The following PALM2AKAP2 variants were observed in gnomAD, a reference collection of about 807,000 sequenced individuals.
PALM2AKAP2 encodes the protein PALM2 and AKAP2 fusion.
PALM2AKAP2 carries 37 observed loss-of-function variants against 71.5 expected under a neutral mutation model. The ratio of observed to expected loss-of-function variants is 0.52; its 90% CI spans 0.40 to 0.68. The LOEUF (loss-of-function observed/expected upper bound fraction) is 0.68, where lower values mean the gene tolerates loss of function less well. Among genes scored for constraint, PALM2AKAP2 ranks in the 30% least tolerant of loss-of-function variants. The pLI is 0.00. For synonymous variants in PALM2AKAP2, 468 were observed against 478.8 expected, an observed-to-expected ratio of 0.98 and a Z score of 0.29; for missense variants, 1,224 against 1,191.8, an observed-to-expected ratio of 1.03 and a Z score of -0.40.
intron 1 of PALM2AKAP2, among the ~76,000 whole-genome samples, chr9:109,672,135 C>T (rs1419456112): frequency 2.0e-5 from 3 of 152,148 alleles, no homozygotes; most frequent in Non-Finnish European, 4.4e-5. Flanking sequence ...ACTTCCACTA[C>T]TACATTAAAC....
chr9:109,640,828 C>G (rs909664423), exon 1 of PALM2AKAP2: 9 of 1,515,126 alleles, frequency 5.9e-6, no homozygotes, highest in Non-Finnish European at 7.9e-6. Context: ...GCCGGTGAGC[C>G]CCGCAGCAGC....
rs897235928 is a variant in PALM2AKAP2, at chr9:109,996,127, C to A, written c.497-19827C>A. Among the ~76,000 whole-genome samples, 9 of 152,312 alleles carry A rather than the reference C, an allele frequency of 5.9e-5. No homozygotes were observed. The South Asian group carries it at 6.2e-4, about 11-fold the overall frequency. On this transcript the variant is annotated intron_variant, in intron 6 of 9. Transcript: ENST00000302798. ...TAACAACTAGTTGTTTAATACATCT[C>A]CTCTGGATGGAAACTAGATCCAAGA...
chr9:109,738,324 G>A (rs1564130249), intron 1 of PALM2AKAP2, among the ~76,000 whole-genome samples: 1 of 152,186 alleles, frequency 6.6e-6, no homozygotes, highest in Non-Finnish European at 1.5e-5. Flanking sequence ...GCCACCAGGG[G>A]CTTACTGATT....
chr9:109,722,434 T>C (rs1828419137), intron 1 of PALM2AKAP2, among the ~76,000 whole-genome samples: 1 of 152,188 alleles, frequency 6.6e-6, no homozygotes, highest in African/African-American at 2.4e-5. Context: ...TAATATGCTA[T>C]GGGGACTTTT....
chr9:109,683,486 A>G (rs1345163961), intron 1 of PALM2AKAP2, among the ~76,000 whole-genome samples: 1 of 152,214 alleles, frequency 6.6e-6, no homozygotes, highest in Non-Finnish European at 1.5e-5. Context: ...GAGAGAAGGC[A>G]GGAATAGATT....
chr9:109,783,046 G>A (rs949006158), intron 1 of PALM2AKAP2, among the ~76,000 whole-genome samples: 10 of 151,930 alleles, frequency 6.6e-5, no homozygotes, highest in African/African-American at 2.4e-4. Flanking sequence ...CACTTACTTG[G>A]GCTTCTCTCT....
intron 1 of PALM2AKAP2, chr9:109,771,896 T>A (rs1801241403): frequency 6.6e-6 from 1 of 152,132 alleles, no homozygotes; most frequent in African/African-American, 2.4e-5. Context: ...ACAACCTCCC[T>A]CTCCTCCCCT....
chr9:110,037,459 G>A (rs1332608564), intron 7 of PALM2AKAP2, among the ~76,000 whole-genome samples: 2 of 152,186 alleles, frequency 1.3e-5, no homozygotes, highest in African/African-American at 4.8e-5. Flanking sequence ...ACCCACCTTG[G>A]CCTACCAAAG....
chr9:109,642,648 C>T (rs992485963), intron 1 of PALM2AKAP2, among the ~76,000 whole-genome samples: 3 of 151,452 alleles, frequency 2.0e-5, no homozygotes, highest in African/African-American at 7.3e-5. Flanking sequence ...GTATTGACCT[C>T]CTGGGCTCAA....
At chr9:109,667,166 G>C (rs1827498344) in intron 1 of PALM2AKAP2, among the ~76,000 whole-genome samples, 1 of 152,182 alleles carries the variant, frequency 6.6e-6, no homozygotes. Flanking sequence ...TCTGGAATCA[G>C]AGGGAGAGTG....
intron 6 of PALM2AKAP2, among the ~76,000 whole-genome samples, chr9:109,979,281 T>C (rs964909963): frequency 6.6e-6 from 1 of 152,184 alleles, no homozygotes; most frequent in African/African-American, 2.4e-5. Flanking sequence ...GTGTTAGCCA[T>C]TGCGCCTGGT....
At chr9:109,780,182 C>T (rs568422311), upstream of PALM2AKAP2, 1 of 663,526 alleles carries the variant, frequency 1.5e-6, no homozygotes, top group Non-Finnish European at 1.9e-6. Flanking sequence ...AGCGCGCCCT[C>T]CCGGCGGCTG....
chr9:109,833,052 C>T (rs1014472035), intron 1 of PALM2AKAP2, among the ~76,000 whole-genome samples: 2 of 152,160 alleles, frequency 1.3e-5, no homozygotes, highest in African/African-American at 2.4e-5. Context: ...AACTCTGACT[C>T]ACCTTTTAAG....
intron 2 of PALM2AKAP2, among the ~76,000 whole-genome samples, chr9:109,870,697 C>T (rs2479314): frequency 0.89 from 135,720 of 152,226 alleles, 60,683 homozygotes; most frequent in African/African-American, 0.94. Flanking sequence ...TCCAGGCCAC[C>T]GTTCTCTTTG....
exon 4 of PALM2AKAP2, chr9:110,168,415 G>A (rs1836787408): frequency 2.5e-6 from 4 of 1,613,934 alleles, no homozygotes; most frequent in South Asian, 1.1e-5. Flanking sequence ...GAGGCCACAC[G>A]GGTTAATCGA....
chr9:109,702,356 T>C (rs1296990876), intron 1 of PALM2AKAP2, among the ~76,000 whole-genome samples: 2 of 152,096 alleles, frequency 1.3e-5, no homozygotes, highest in African/African-American at 2.4e-5. Context: ...TGTCCAACAA[T>C]GATATACTGG....
intron 6 of PALM2AKAP2, chr9:109,942,753 A>G (rs748120322): frequency 1.2e-6 from 2 of 1,613,784 alleles, no homozygotes; most frequent in Non-Finnish European, 1.7e-6. Context: ...TTCTCTCTAC[A>G]TCTACCATTG....
chr9:110,136,821 A>G, exon 2 of PALM2AKAP2: 1 of 1,614,212 alleles, frequency 6.2e-7, no homozygotes, highest in Non-Finnish European at 8.5e-7. Context: ...AAGCTCTTTG[A>G]GGATGACGAG....
intron 6 of PALM2AKAP2, among the ~76,000 whole-genome samples, chr9:109,997,707 C>T (rs1258945742): frequency 1.3e-5 from 2 of 152,156 alleles, no homozygotes; most frequent in African/African-American, 2.4e-5. Context: ...GGGAATTGCC[C>T]TCTATTTGGA....
Sources: allele counts gnomAD v4.1 joint callset (sites outside exome capture counted in the v4.1 genomes callset), GRCh38; gene constraint gnomAD v4.1.1; transcripts MANE v1.5; gene names NCBI Gene and HGNC (gene_info 2026-07-23, HGNC 2026-07-21).